VCL: variants seen among roughly 807,000 people sequenced by gnomAD.
The protein encoded by VCL is vinculin, also known as epididymis luminal protein 114.
VCL carries 47 observed loss-of-function variants against 125.7 expected under a neutral mutation model. That is an observed-to-expected ratio of 0.37 (90% CI 0.30 to 0.48). The LOEUF (loss-of-function observed/expected upper bound fraction) is 0.48. VCL is among the 20% of genes least tolerant of loss of function. The pLI, the probability that VCL is intolerant of heterozygous loss-of-function variation, is 0.99. For missense variants in VCL, 1,069 were observed against 1,455.5 expected, an observed-to-expected ratio of 0.73 and a Z score of 4.32; for synonymous variants, 458 against 514.6, an observed-to-expected ratio of 0.89 and a Z score of 1.49.
At chr10:74,084,329 T>C (rs1839732790) in intron 8 of VCL, among the ~76,000 whole-genome samples, 3 of 151,970 alleles carry the variant, frequency 2.0e-5, no homozygotes, top group African/African-American at 7.3e-5. Flanking sequence ...TCTCGCTCTG[T>C]CACCCGGGCT....
chr10:74,090,283 C>G, intron 10 of VCL, 85 bp downstream of exon 10: 1 of 1,490,872 alleles, frequency 6.7e-7, no homozygotes, highest in Non-Finnish European at 9.3e-7. Flanking sequence ...TCTTTCTTCC[C>G]CCAAGAACAT....
At position 74,077,977 on chromosome 10, in the gene VCL, A is replaced by AT. The variant is rs1217844428; in HGVS notation, c.783+3081dup. 3.9e-5 allele frequency among the ~76,000 whole-genome samples: 6 copies of AT among 152,130 alleles called. No homozygotes were observed. In the East Asian group the frequency reaches 1.2e-3, roughly 29 times the overall value. On this transcript the variant is annotated intron_variant, in intron 6 of 21. Transcript: ENST00000211998. ...AGTGATCATTAAAAATTAGGTTAGCATTTTTTTCTGAAAATACATTATTTA... is the reference window on the plus strand; with the variant it reads ...AGTGATCATTAAAAATTAGGTTAGCATTTTTTTTCTGAAAATACATTATTTA...
chr10:74,026,573 C>T (rs369953224), intron 1 of VCL, among the ~76,000 whole-genome samples: 222 of 152,184 alleles, frequency 1.5e-3, no homozygotes, highest in African/African-American at 5.0e-3. Context: ...AAACTGAAAT[C>T]ACAAACGAAT....
At chr10:74,083,310 C>T (rs1839709285) in intron 7 of VCL, 56 bp from the exon 8 acceptor site, 2 of 1,605,258 alleles carry the variant, frequency 1.2e-6, no homozygotes, top group South Asian at 2.2e-5. Context: ...GTAAAGTATC[C>T]TCTCTAAATA....
chr10:74,104,039 C>T (rs1258865030), intron 15 of VCL, 111 bp downstream of exon 15: 53 of 1,096,008 alleles, frequency 4.8e-5, no homozygotes, highest in Non-Finnish European at 7.0e-5. Flanking sequence ...GGGCCGGTCA[C>T]GTGCTGAGCA....
At chr10:74,095,983 A>G in intron 12 of VCL, 128 bp downstream of exon 12, 1 of 1,168,872 alleles carries the variant, frequency 8.6e-7, no homozygotes, top group Non-Finnish European at 1.2e-6. Flanking sequence ...GAGTGTGACC[A>G]AAGATATAAG....
At chr10:74,106,865 AC>A (rs1294758467) in intron 16 of VCL, among the ~76,000 whole-genome samples, 2 of 152,196 alleles carry the variant, frequency 1.3e-5, no homozygotes, top group Admixed American at 6.5e-5. Flanking sequence ...CCAATCTGAA[AC>A]TGACATCTCC....
At chr10:74,112,997 C>T (rs1425858107) in intron 19 of VCL, among the ~76,000 whole-genome samples, 2 of 152,180 alleles carry the variant, frequency 1.3e-5, no homozygotes, top group African/African-American at 4.8e-5. Flanking sequence ...TACCTGCGTT[C>T]TCTCCGGCCT....
intron 1 of VCL, among the ~76,000 whole-genome samples, chr10:74,034,700 T>C (rs1382151090): frequency 2.6e-5 from 4 of 152,178 alleles, no homozygotes; most frequent in Non-Finnish European, 5.9e-5. Flanking sequence ...CAGAGTAGAT[T>C]AGAGAGTTTT....
intron 8 of VCL, among the ~76,000 whole-genome samples, chr10:74,086,320 G>T (rs180748888): frequency 2.0e-4 from 30 of 152,318 alleles, no homozygotes; most frequent in African/African-American, 6.5e-4. Flanking sequence ...TGGATTCCCT[G>T]CAGCCCTGGA....
At chr10:74,112,152 C>T (rs1840235342) in intron 19 of VCL, 40 bp downstream of exon 19, 4 of 1,611,022 alleles carry the variant, frequency 2.5e-6, no homozygotes, top group Non-Finnish European at 3.4e-6. Flanking sequence ...GCTCCATATG[C>T]ATCCGGCCAT....
At chr10:74,110,613 CAA>C (rs905369069) in intron 18 of VCL, among the ~76,000 whole-genome samples, 2 of 152,168 alleles carry the variant, frequency 1.3e-5, no homozygotes, top group African/African-American at 4.8e-5. Flanking sequence ...TGAGTTTAGG[CAA>C]AAGAGTTTAG....
At chr10:74,056,800 A>G (rs142869739) in intron 2 of VCL, among the ~76,000 whole-genome samples, 28 of 152,256 alleles carry the variant, frequency 1.8e-4, no homozygotes, top group Admixed American at 3.9e-4. Context: ...GCTATTACTG[A>G]TATGCCACAG....
Position 74,032,240 on chromosome 10 carries a change from T to TAAAAAAA in VCL, c.169-10829_169-10823dup, listed in dbSNP as rs770412004. Among the ~76,000 whole-genome samples, 136 of 74,276 alleles carry TAAAAAAA rather than the reference T, an allele frequency of 1.8e-3. 1 individual carries two copies. Among genetic ancestry groups the TAAAAAAA allele is most frequent in the Non-Finnish European group, 2.1e-3 (73 of 34,708 alleles). The allele number at this position is 74,276 out of a possible 152,430, so 48.7% of individuals were successfully genotyped here. On this transcript the variant is annotated intron_variant, in intron 1 of 21. Coordinates refer to ENST00000211998, the MANE Select transcript of VCL (RefSeq NM_014000.3). ...GGGCAACAGAGACTCTGTTTCAGAA[T>TAAAAAAA]AAAAAAAAAAAAAAAAAAAAGAAAA...
At chr10:74,082,727 G>GA (rs1484032746) in intron 7 of VCL, among the ~76,000 whole-genome samples, 183 bp downstream of exon 7, 6 of 152,178 alleles carry the variant, frequency 3.9e-5, no homozygotes, top group Non-Finnish European at 8.8e-5. Flanking sequence ...AAGGATGAAG[G>GA]GAATAGATTC....
At chr10:74,059,436 G>A (rs1296192267) in intron 2 of VCL, among the ~76,000 whole-genome samples, 4 of 149,436 alleles carry the variant, frequency 2.7e-5, no homozygotes, top group South Asian at 4.2e-4. Context: ...ACGGAGTCTC[G>A]CCCTGTCACG....
intron 2 of VCL, among the ~76,000 whole-genome samples, chr10:74,046,580 A>G (rs767915028): frequency 2.1e-4 from 32 of 152,350 alleles, no homozygotes; most frequent in Non-Finnish European, 4.1e-4. Flanking sequence ...TTATGCTGTC[A>G]ACTAAACATA....
At chr10:74,116,030 C>T (rs184334764) in intron 21 of VCL, among the ~76,000 whole-genome samples, 1 of 152,302 alleles carries the variant, frequency 6.6e-6, no homozygotes, top group African/African-American at 2.4e-5. Flanking sequence ...TTGGACTAGC[C>T]ACACGAGGCT....
At position 74,088,379 on chromosome 10, in the gene VCL, A is replaced by G. The variant is rs72816366; in HGVS notation, c.1023-817A>G. Reference sequence around the variant, plus strand: ...ATCAGTTCTTTAGGAACTTGATGGGAAACAGTGGTTTCCTATCACCATGTG... The same window carrying G: ...ATCAGTTCTTTAGGAACTTGATGGGGAACAGTGGTTTCCTATCACCATGTG... On this transcript the variant is annotated intron_variant, in intron 8 of 21. Transcript: ENST00000211998. Among the ~76,000 whole-genome samples the G allele has an allele frequency of 4.6e-3, 706 of 152,300 alleles. 6 individuals are homozygous for G. Among genetic ancestry groups the G allele is most frequent in the Non-Finnish European group, 8.1e-3 (549 of 68,022 alleles).
Sources: gnomAD v4.1 joint callset for allele counts (sites outside exome capture counted in the v4.1 genomes callset) on GRCh38, gnomAD v4.1.1 for gene constraint, MANE v1.5 for transcripts, NCBI Gene and HGNC (gene_info 2026-07-23, HGNC 2026-07-21) for gene names.